Variants in CSNK1G1 observed in about 807,000 individuals in gnomAD.
The protein encoded by CSNK1G1 is casein kinase I isoform gamma-1.
Under a neutral mutation model 59.6 loss-of-function variants are expected in CSNK1G1, and 22 were observed. The ratio of observed to expected loss-of-function variants is 0.37; its 90% confidence interval spans 0.26 to 0.53. CSNK1G1 has a LOEUF of 0.53. Ranked by LOEUF, CSNK1G1 falls within the 20% of genes least tolerant of loss-of-function variation. The pLI, the probability that CSNK1G1 is intolerant of heterozygous loss-of-function variation, is 0.89. For synonymous variants in CSNK1G1, 179 were observed against 177.1 expected, an observed-to-expected ratio of 1.01 and a Z score of -0.08; for missense variants, 384 against 519.5, an observed-to-expected ratio of 0.74 and a Z score of 2.54.
At chr15:64,277,615 G>T (rs547612179) in intron 2 of CSNK1G1, among the ~76,000 whole-genome samples, 13 of 124,320 alleles carry the variant, frequency 1.0e-4, no homozygotes, top group Non-Finnish European at 1.8e-4. Context: ...TATTAATATT[G>T]GTATATTTAA....
chr15:64,236,142 C>CAAAAAAAAAAAAAAAAAAAAAA (rs532663571), intron 4 of CSNK1G1, among the ~76,000 whole-genome samples: 1 of 68,026 alleles, frequency 1.5e-5, no homozygotes. Context: ...GACTCCATCT[C>CAAAAAAAAAAAAAAAAAAAAAA]AAAAAAAAAA....
chr15:64,211,113 T>C (rs1165920566), intron 6 of CSNK1G1, among the ~76,000 whole-genome samples: 2 of 152,182 alleles, frequency 1.3e-5, no homozygotes, highest in Non-Finnish European at 2.9e-5. Context: ...TGACCCAGCC[T>C]CAGGTATTCC....
In CSNK1G1 at chr15:64,203,137, C is replaced by T. The variant is rs1197435653; in HGVS notation, c.1052G>A (p.Arg351Gln). The change falls in exon 10 of 12, where the codon CGA (arginine) becomes CAA (glutamine). Residue 351 changes from arginine to glutamine, a missense_variant. This residue lies in a region of CSNK1G1 where 325 missense variants were observed against 440.9 expected (regional missense o/e 0.74). Transcript: ENST00000303052. ...CCGATCCCTATGTGTGTGGCTTTCT[C>T]GAGTTATTGCAGATGCACCAGAATC... ...HVDSGASAIT[R>Q]ESHTHRDRPS... The T allele has an allele frequency of 2.5e-6, 4 of 1,614,018 alleles. No individual in the cohort carries two copies. Among genetic ancestry groups the T allele is most frequent in the Non-Finnish European group, 2.5e-6 (3 of 1,179,966 alleles).
intron 4 of CSNK1G1, among the ~76,000 whole-genome samples, chr15:64,238,518 A>AAAATAT (rs1555396879): frequency 2.8e-4 from 14 of 49,240 alleles, no homozygotes; most frequent in South Asian, 1.6e-3. Context: ...AAAAAAAAAA[A>AAAATAT]ATATATATAT....
At chr15:64,266,742 T>C (rs1339523342) in intron 2 of CSNK1G1, among the ~76,000 whole-genome samples, 1 of 152,118 alleles carries the variant, frequency 6.6e-6, no homozygotes, top group Non-Finnish European at 1.5e-5. Flanking sequence ...TCGACAAAGA[T>C]GCCAAGAATA....
rs1596107702 is a variant in CSNK1G1 at position 64,216,499 on chromosome 15, G to A, written c.444+63C>T. 6.7e-6 allele frequency: 10 copies of A among 1,498,202 alleles called. No individual in the cohort carries two copies. 92.8% of individuals were successfully genotyped at this position (1,498,202 alleles called of 1,614,324 possible). ...TGCTACGGCTAGTAAATCACCAAAA[G>A]GCCCACAAGGATGTGGCTGAGGAAC... On this transcript the variant is annotated intron_variant, in intron 5 of 11. Coordinates refer to ENST00000303052, the MANE Select transcript of CSNK1G1 (RefSeq NM_022048.5). The surrounding 1 kb of genome is among the most constrained non-coding windows in gnomAD (Gnocchi z 4.6).
At chr15:64,318,753 G>C (rs1269521642) in intron 1 of CSNK1G1, among the ~76,000 whole-genome samples, 1 of 151,532 alleles carries the variant, frequency 6.6e-6, no homozygotes, top group East Asian at 1.9e-4. Context: ...TGGGATTACA[G>C]GCACATGCTA....
At chr15:64,321,815 C>G (rs1198989497) in intron 1 of CSNK1G1, among the ~76,000 whole-genome samples, 1 of 152,132 alleles carries the variant, frequency 6.6e-6, no homozygotes, top group African/African-American at 2.4e-5. Flanking sequence ...GTAAGACTTT[C>G]CTCCACCTAC....
intron 10 of CSNK1G1, among the ~76,000 whole-genome samples, chr15:64,190,147 C>T (rs763837888): frequency 5.9e-5 from 9 of 151,838 alleles, no homozygotes; most frequent in Non-Finnish European, 1.2e-4. Flanking sequence ...TAATGGAATA[C>T]GAAGTCATAT....
intron 10 of CSNK1G1, chr15:64,181,163 C>T (rs151044867): frequency 6.7e-7 from 1 of 1,497,278 alleles, no homozygotes; most frequent in African/African-American, 1.4e-5. Flanking sequence ...AAAAAACACT[C>T]TCCCTTGGAA....
At chr15:64,297,581 C>A (rs1168426470) in intron 2 of CSNK1G1, among the ~76,000 whole-genome samples, 1 of 151,956 alleles carries the variant, frequency 6.6e-6, no homozygotes, top group East Asian at 1.9e-4. Flanking sequence ...TTCTTATGCA[C>A]TAGCTATTAA....
At position 64,180,387 on chromosome 15, in the gene CSNK1G1, ATTG is replaced by A; in HGVS notation, c.1172_1174del (p.Pro391_Ile392delinsLeu). 3 of 1,614,140 alleles carry A rather than the reference ATTG, an allele frequency of 1.9e-6. No homozygotes were observed. The highest frequency in any genetic ancestry group is 1.7e-6 in the Non-Finnish European group (2 of 1,180,012). On this transcript the variant is annotated inframe_deletion, in exon 11 of 12. Coordinates refer to ENST00000303052, the MANE Select transcript of CSNK1G1 (RefSeq NM_022048.5). Reference sequence around the variant, plus strand: ...TACCTCCACCTCGGCATGAGCTGTGATTGGTGCATTGGAGTGGGCTCCCGTGGG... The same window carrying A: ...TACCTCCACCTCGGCATGAGCTGTGAGTGCATTGGAGTGGGCTCCCGTGGG...
At chr15:64,335,778 T>G (rs1897356855) in intron 1 of CSNK1G1, 1 of 152,232 alleles carries the variant, frequency 6.6e-6, no homozygotes, top group Non-Finnish European at 1.5e-5. Context: ...ACAAGCTACA[T>G]CCTCACTTGA....
At chr15:64,310,927 C>T (rs1784261088) in intron 1 of CSNK1G1, among the ~76,000 whole-genome samples, 1 of 150,002 alleles carries the variant, frequency 6.7e-6, no homozygotes, top group Non-Finnish European at 1.5e-5. Context: ...ATCGCTTGAG[C>T]CCTGGAGGCG....
At chr15:64,181,464 A>C in intron 10 of CSNK1G1, 1 of 1,483,406 alleles carries the variant, frequency 6.7e-7, no homozygotes, top group Non-Finnish European at 8.9e-7. Flanking sequence ...AATAGGATAA[A>C]CAATTTGGAT....
intron 1 of CSNK1G1, among the ~76,000 whole-genome samples, chr15:64,345,560 T>G (rs898242462): frequency 3.3e-5 from 5 of 152,314 alleles, no homozygotes; most frequent in African/African-American, 7.2e-5. Context: ...GTGCCACATT[T>G]AGCTCATACT....
At chr15:64,258,663 C>T (rs56954693) in intron 3 of CSNK1G1, among the ~76,000 whole-genome samples, 21,298 of 151,916 alleles carry the variant, frequency 0.14, 2,733 homozygotes, top group African/African-American at 0.34. Flanking sequence ...AAAATTATTA[C>T]TTTTTTAAAT....
intron 4 of CSNK1G1, among the ~76,000 whole-genome samples, chr15:64,241,069 T>C (rs1255274140): frequency 6.6e-6 from 1 of 152,088 alleles, no homozygotes; most frequent in Non-Finnish European, 1.5e-5. Context: ...ACTTACAAGA[T>C]GCAGACTGGA....
intron 1 of CSNK1G1, among the ~76,000 whole-genome samples, chr15:64,337,642 TG>T (rs1431484262): frequency 1.3e-5 from 2 of 152,216 alleles, no homozygotes; most frequent in Non-Finnish European, 2.9e-5. Flanking sequence ...TGTTTTTTAC[TG>T]TGATAAAATA....
Sources: allele counts gnomAD v4.1 joint callset (sites outside exome capture counted in the v4.1 genomes callset), GRCh38; gene constraint gnomAD v4.1.1; regional missense constraint gnomAD v4.1.1; non-coding constraint Gnocchi (gnomAD v3.1); transcripts MANE v1.5; gene names NCBI Gene and HGNC (gene_info 2026-07-23, HGNC 2026-07-21).